The following USP15 variants were observed in gnomAD, a reference collection of about 807,000 sequenced individuals.
The protein encoded by USP15 is ubiquitin specific peptidase 15.
In USP15, 18 loss-of-function variants were observed where a neutral mutation model predicts 127.1. The observed-to-expected ratio is 0.14, with a 90% CI of 0.10 to 0.21. The LOEUF (loss-of-function observed/expected upper bound fraction) is 0.21. USP15 is among the 10% of genes least tolerant of loss of function. The probability of loss-of-function intolerance (pLI) is 1.00; values close to 1 mark genes in which losing one functional copy is unlikely to be tolerated. For missense variants in USP15, 805 were observed against 1,159.9 expected (o/e 0.69, Z 4.44); for synonymous variants, 364 against 393.7 (o/e 0.92, Z 0.89).
At chr12:62,402,000 G>A (rs934844535) in intron 21 of USP15, among the ~76,000 whole-genome samples, 10 of 150,834 alleles carry the variant, frequency 6.6e-5, no homozygotes, top group Non-Finnish European at 1.3e-4. Context: ...TTTTAAAATT[G>A]TGTTAGTTTT....
At chr12:62,307,767 G>C (rs1250174806) in intron 3 of USP15, among the ~76,000 whole-genome samples, 1 of 152,078 alleles carries the variant, frequency 6.6e-6, no homozygotes, top group Admixed American at 6.6e-5. Flanking sequence ...AGCCATCTTG[G>C]TTATCAATCT....
At chr12:62,278,252 A>G (rs1444261814) in intron 1 of USP15, among the ~76,000 whole-genome samples, 1 of 152,176 alleles carries the variant, frequency 6.6e-6, no homozygotes, top group African/African-American at 2.4e-5. Flanking sequence ...CTCCTGTGAT[A>G]TCAGTGCCTT....
chr12:62,399,522 A>G lies in USP15; in HGVS notation c.2675-1665A>G, dbSNP rs563263049. On this transcript the variant is annotated intron_variant, in intron 20 of 21. Coordinates refer to ENST00000280377, the MANE Select transcript of USP15 (RefSeq NM_001252078.2). ...GCAAGAAATTTAAACGCTTTCTTCT[A>G]GATTGTTTTCTCATTTCTGCCTCCA... is the stretch of plus-strand genomic sequence containing the variant. Among the ~76,000 whole-genome samples, 19 of 152,300 alleles carry G rather than the reference A, an allele frequency of 1.2e-4. No homozygotes were observed. The East Asian group carries it at 3.7e-3, about 29-fold the overall frequency.
intron 6 of USP15, among the ~76,000 whole-genome samples, chr12:62,341,321 C>T (rs1459671236): frequency 6.6e-6 from 1 of 152,028 alleles, no homozygotes; most frequent in Non-Finnish European, 1.5e-5. Flanking sequence ...TGGGTCTTGA[C>T]TCTTCATCCA....
intron 8 of USP15, among the ~76,000 whole-genome samples, chr12:62,363,684 G>A (rs1279213398): frequency 4.6e-5 from 7 of 151,426 alleles, no homozygotes; most frequent in African/African-American, 1.2e-4. Context: ...CTCTCCCCGC[G>A]TCCCCACCCC....
intron 2 of USP15, 47 bp downstream of exon 2, chr12:62,294,353 AT>A: frequency 6.3e-7 from 1 of 1,581,900 alleles, no homozygotes; most frequent in South Asian, 1.2e-5. Context: ...GTTAAATTTC[AT>A]TATATAAATG....
At chr12:62,392,026 G>GA (rs1565911162) in intron 17 of USP15, 140 bp downstream of exon 17, 57 of 909,236 alleles carry the variant, frequency 6.3e-5, no homozygotes, top group South Asian at 4.8e-4. Context: ...TCATGAACTA[G>GA]AAAAAAAAGT....
intron 11 of USP15, among the ~76,000 whole-genome samples, chr12:62,384,964 A>G (rs2067102219): frequency 6.6e-6 from 1 of 151,802 alleles, no homozygotes; most frequent in African/African-American, 2.4e-5. Context: ...TTATTTATTA[A>G]TCAGTTAATC....
intron 1 of USP15, among the ~76,000 whole-genome samples, chr12:62,269,234 G>A (rs574268885): frequency 1.3e-5 from 2 of 152,028 alleles, no homozygotes; most frequent in Admixed American, 1.3e-4. Flanking sequence ...ACATACCTAG[G>A]ATGTATTGCC....
At chr12:62,336,358 A>C in intron 6 of USP15, 1 of 985,298 alleles carries the variant, frequency 1.0e-6, no homozygotes, top group East Asian at 1.1e-4. Context: ...AACTGTCTTC[A>C]TTTCCTGTAT....
chr12:62,363,146 C>G (rs1300422742), intron 8 of USP15, among the ~76,000 whole-genome samples: 1 of 152,126 alleles, frequency 6.6e-6, no homozygotes, highest in Non-Finnish European at 1.5e-5. Context: ...CTGGTTCATT[C>G]CATTTGTCTG....
At chr12:62,395,699 T>A (rs903921539) in intron 19 of USP15, among the ~76,000 whole-genome samples, 2 of 151,938 alleles carry the variant, frequency 1.3e-5, no homozygotes, top group Non-Finnish European at 2.9e-5. Flanking sequence ...TGTCTGTCTA[T>A]GAGCTCAATT....
At chr12:62,307,221 A>T (rs1212768143) in intron 3 of USP15, among the ~76,000 whole-genome samples, 1 of 152,140 alleles carries the variant, frequency 6.6e-6, no homozygotes, top group Non-Finnish European at 1.5e-5. Flanking sequence ...CCCAAACTCC[A>T]ATAAGTAGGA....
intron 4 of USP15, among the ~76,000 whole-genome samples, chr12:62,318,635 T>C (rs949753427): frequency 1.3e-5 from 2 of 152,168 alleles, no homozygotes; most frequent in Non-Finnish European, 1.5e-5. Context: ...ATCTTTTAAG[T>C]TGATAGGTCC....
intron 1 of USP15, among the ~76,000 whole-genome samples, chr12:62,262,194 G>A (rs565301135): frequency 1.3e-4 from 19 of 151,884 alleles, no homozygotes; most frequent in Admixed American, 5.9e-4. Flanking sequence ...GCCGAGATCC[G>A]GCCACTGCAC....
At chr12:62,366,155 C>T (rs1466107664) in intron 8 of USP15, among the ~76,000 whole-genome samples, 4 of 152,186 alleles carry the variant, frequency 2.6e-5, no homozygotes, top group African/African-American at 9.7e-5. Flanking sequence ...TGGCCATTTT[C>T]ACAGTATTGA....
At position 62,404,986 on chromosome 12, in the gene USP15, A is replaced by C. The variant is rs1222574167; in HGVS notation, c.*611A>C. The C allele has an allele frequency of 6.6e-6, 1 of 152,108 alleles. No individual in the cohort carries two copies. Among genetic ancestry groups the C allele is most frequent in the Admixed American group, 6.6e-5 (1 of 15,254 alleles). 9.4% of individuals were successfully genotyped at this position (152,108 alleles called of 1,614,324 possible). On this transcript the variant is annotated 3_prime_UTR_variant, in exon 22 of 22. Transcript: ENST00000280377. ...TATTTCCCTTTGTAATACCTTTAAA[A>C]ATCCAGAGTATTATATTCATTTTAC...
At chr12:62,378,142 G>A (rs1285922845) in intron 8 of USP15, among the ~76,000 whole-genome samples, 1 of 152,180 alleles carries the variant, frequency 6.6e-6, no homozygotes, top group East Asian at 1.9e-4. Flanking sequence ...GGGAGGTGGA[G>A]GTTGCAGTGA....
intron 6 of USP15, among the ~76,000 whole-genome samples, chr12:62,329,596 CAG>C (rs961114673): frequency 1.6e-4 from 24 of 151,676 alleles, no homozygotes; most frequent in Admixed American, 5.2e-4. Context: ...TAAAAGTTAA[CAG>C]AAACAAAGAA....
Sources: allele counts gnomAD v4.1 joint callset (sites outside exome capture counted in the v4.1 genomes callset), GRCh38; gene constraint gnomAD v4.1.1; transcripts MANE v1.5; gene names NCBI Gene and HGNC (gene_info 2026-07-23, HGNC 2026-07-21).